The following ZC2HC1B variants were observed in gnomAD, a reference collection of about 807,000 sequenced individuals.
ZC2HC1B encodes the protein zinc finger C2HC-type containing 1B, also known as zinc finger C2HC domain-containing protein 1B.
In ZC2HC1B, 36 loss-of-function variants were observed where a neutral mutation model predicts 31.0. That is an observed-to-expected ratio of 1.16 (90% confidence interval 0.89 to 1.54). The LOEUF (loss-of-function observed/expected upper bound fraction) is 1.54. Among genes scored for constraint, ZC2HC1B ranks in the 40% most tolerant of loss-of-function variants. The probability of loss-of-function intolerance (pLI) is 0.00; values close to 1 mark genes in which losing one functional copy is unlikely to be tolerated. For missense variants in ZC2HC1B, 260 were observed against 268.6 expected (o/e 0.97, Z 0.22); for synonymous variants, 73 against 88.0 (o/e 0.83, Z 0.95).
At chr6:143,916,813 CT>C (rs1777922643) in intron 6 of ZC2HC1B, among the ~76,000 whole-genome samples, 1 of 152,210 alleles carries the variant, frequency 6.6e-6, no homozygotes, top group South Asian at 2.1e-4. Context: ...CCCATTGTAT[CT>C]AGGAAGTAAC....
In ZC2HC1B at chr6:143,886,629, G is replaced by A; in HGVS notation, c.211-54G>A. On this transcript the variant is annotated intron_variant, in intron 3 of 7. Transcript: ENST00000237275. This position sits in a 1 kb window ranked among gnomAD's most constrained non-coding sequence, Gnocchi z 4.2. ...TCAAATTCCAGCTTTAAACAAAATT[G>A]TAATGGAGAGGTATATAGTCTAGGG... The A allele has an allele frequency of 7.2e-7, 1 of 1,388,878 alleles. No homozygotes were observed. The highest frequency in any genetic ancestry group is 3.4e-5 in the Admixed American group (1 of 29,224). 86.0% of individuals were successfully genotyped at this position (1,388,878 alleles called of 1,614,324 possible).
rs1446446599 is a variant in ZC2HC1B, at chr6:143,915,366, T to G, written c.598+12214T>G. Among the ~76,000 whole-genome samples, 1 of 152,236 alleles carries G rather than the reference T, an allele frequency of 6.6e-6. No individual in the cohort carries two copies. Among genetic ancestry groups the G allele is most frequent in the Non-Finnish European group, 1.5e-5 (1 of 68,044 alleles). The stretch of plus-strand genomic sequence containing the variant: ...ACTGTAAGTCCAATAAACTTCTTTC[T>G]TTTGTAAATTGCCCAGCCTTGGGTA... On this transcript the variant is annotated intron_variant, in intron 6 of 7. Transcript: ENST00000237275. The surrounding 1 kb of genome is among the most constrained non-coding windows in gnomAD (Gnocchi z 5.2).
chr6:143,911,527 A>G lies in ZC2HC1B; in HGVS notation c.598+8375A>G, dbSNP rs1777856038. Among the ~76,000 whole-genome samples, 1 of 151,966 alleles carries G rather than the reference A, an allele frequency of 6.6e-6. No homozygotes were observed. Among genetic ancestry groups the G allele is most frequent in the Non-Finnish European group, 1.5e-5 (1 of 67,996 alleles). On this transcript the variant is annotated intron_variant, in intron 6 of 7. Transcript: ENST00000237275. This position sits in a 1 kb window ranked among gnomAD's most constrained non-coding sequence, Gnocchi z 4.5. ...GATGTTGTTTCTCCTTTGCTTATGA[A>G]GCTTAGTTTGACTGGATATGAAATT...
At chr6:143,902,181 C>T (rs1294754006) in intron 5 of ZC2HC1B, among the ~76,000 whole-genome samples, 1 of 152,146 alleles carries the variant, frequency 6.6e-6, no homozygotes, top group Non-Finnish European at 1.5e-5. Context: ...TCCTTTGTGC[C>T]AGCTTCACCA....
At chr6:143,907,695 G>T (rs1444864876) in intron 6 of ZC2HC1B, among the ~76,000 whole-genome samples, 1 of 152,152 alleles carries the variant, frequency 6.6e-6, no homozygotes, top group Non-Finnish European at 1.5e-5. Context: ...CAGATGGATA[G>T]ATTGCAAACA....
chr6:143,867,927 A>G (rs961680538), intron 1 of ZC2HC1B, among the ~76,000 whole-genome samples: 1 of 152,186 alleles, frequency 6.6e-6, no homozygotes, highest in African/African-American at 2.4e-5. Context: ...TCCTCCAGTA[A>G]TTCATGAAAT....
intron 6 of ZC2HC1B, among the ~76,000 whole-genome samples, chr6:143,926,760 T>C (rs533831337): frequency 6.6e-6 from 1 of 151,724 alleles, no homozygotes; most frequent in Non-Finnish European, 1.5e-5. Flanking sequence ...CCTTCAGATC[T>C]AATAATATTT....
At position 143,918,585 on chromosome 6, in the gene ZC2HC1B, T is replaced by G. The variant is rs201972265; in HGVS notation, c.598+15433T>G. 1.5e-4 allele frequency among the ~76,000 whole-genome samples: 23 copies of G among 152,338 alleles called. No individual in the cohort carries two copies. The East Asian group carries it at 4.2e-3, about 28-fold the overall frequency. ...TTTTAGTTTTTGAATGATTCTTAAA[T>G]GTTTATAGTCATGTCTTTTGTTAAA... On this transcript the variant is annotated intron_variant, in intron 6 of 7. Transcript: ENST00000237275. This position sits in a 1 kb window ranked among gnomAD's most constrained non-coding sequence, Gnocchi z 4.1.
At chr6:143,925,610 C>T (rs375791552) in intron 6 of ZC2HC1B, among the ~76,000 whole-genome samples, 4 of 149,176 alleles carry the variant, frequency 2.7e-5, no homozygotes, top group Non-Finnish European at 4.4e-5. Flanking sequence ...GATCTCGTCT[C>T]GCCGCAACCT....
At chr6:143,867,389 C>G (rs368989796) in intron 1 of ZC2HC1B, among the ~76,000 whole-genome samples, 2 of 152,106 alleles carry the variant, frequency 1.3e-5, no homozygotes, top group African/African-American at 4.8e-5. Flanking sequence ...GTGAACAGTC[C>G]CTGGGTCTGA....
rs182175905 is a variant in ZC2HC1B at position 143,872,695 on chromosome 6, G to T, written c.28+8128G>T. On this transcript the variant is annotated intron_variant, in intron 1 of 7. Transcript: ENST00000237275. The surrounding 1 kb of genome is among the most constrained non-coding windows in gnomAD (Gnocchi z 5.5). ...GGCAAAAGGCACTACTTACATGGTG[G>T]CAGCAAGAGAAAATGAGGAAAAAGC... Among the ~76,000 whole-genome samples, 1 of 152,132 alleles carries T rather than the reference G, an allele frequency of 6.6e-6. No homozygotes were observed. The highest frequency in any genetic ancestry group is 1.5e-5 in the Non-Finnish European group (1 of 68,028).
In ZC2HC1B at chr6:143,876,918, T is replaced by G. The variant is rs567256662; in HGVS notation, c.29-7386T>G. Among the ~76,000 whole-genome samples, 14 of 150,476 alleles carry G rather than the reference T, an allele frequency of 9.3e-5. 2 individuals are homozygous for G. The South Asian group carries it at 2.8e-3, about 30-fold the overall frequency. Reference sequence around the variant, plus strand: ...CTGAGATTGAGGGTGGGTCTGCCTTTCCCAGCCCACTGACTCAAGTGTTAA... The same window carrying G: ...CTGAGATTGAGGGTGGGTCTGCCTTGCCCAGCCCACTGACTCAAGTGTTAA... On this transcript the variant is annotated intron_variant, in intron 1 of 7. Coordinates refer to ENST00000237275, the MANE Select transcript of ZC2HC1B (RefSeq NM_001013623.3).
chr6:143,904,222 T>G (rs573117279), intron 6 of ZC2HC1B, among the ~76,000 whole-genome samples: 1 of 152,354 alleles, frequency 6.6e-6, no homozygotes, highest in Admixed American at 6.5e-5. Context: ...ATCACCAGTG[T>G]GATTGGTTGT....
At position 143,921,566 on chromosome 6, in the gene ZC2HC1B, CTTTGT is replaced by C. The variant is rs926490267; in HGVS notation, c.599-16079_599-16075del. Among the ~76,000 whole-genome samples, 7 of 152,168 alleles carry C rather than the reference CTTTGT, an allele frequency of 4.6e-5. No individual in the cohort carries two copies. The highest frequency in any genetic ancestry group is 1.0e-4 in the Non-Finnish European group (7 of 68,022). ...CATGTTAATTAGCTTTAAGAGATAG[CTTTGT>C]TTTATTTCAAGCTCAAGATGCTTTT... On this transcript the variant is annotated intron_variant, in intron 6 of 7. Coordinates refer to ENST00000237275, the MANE Select transcript of ZC2HC1B (RefSeq NM_001013623.3). The surrounding 1 kb of genome is among the most constrained non-coding windows in gnomAD (Gnocchi z 6.1).
rs1299752449 is a variant in ZC2HC1B, at chr6:143,895,787, T to C, written c.350-2765T>C. 6.6e-6 allele frequency among the ~76,000 whole-genome samples: 1 copy of C among 152,204 alleles called. No individual in the cohort carries two copies. Among genetic ancestry groups the C allele is most frequent in the African/African-American group, 2.4e-5 (1 of 41,462 alleles). ...ACAGCACAATATTGGCATTTTAAAA[T>C]AATGCTTGGTTTTCCACTTTTCTCT... On this transcript the variant is annotated intron_variant, in intron 4 of 7. Transcript: ENST00000237275. The surrounding 1 kb of genome is among the most constrained non-coding windows in gnomAD (Gnocchi z 4.8).
Position 143,864,549 on chromosome 6 carries a change from G to A in ZC2HC1B, c.10G>A (p.Ala4Thr). Residue 4 changes from alanine to threonine, a missense_variant, in exon 1 of 8, where the codon GCA becomes ACA. Coordinates refer to ENST00000237275, the MANE Select transcript of ZC2HC1B (RefSeq NM_001013623.3). The stretch of plus-strand genomic sequence containing the variant: ...CTGAGTTAGGAACAGAATGGCTGGG[G>A]CAGAACCATTTTTGGCAGGTGAGCT... MAGAEPFLADGNQE... is the reference protein window; with the variant it reads MAGTEPFLADGNQE... The A allele has an allele frequency of 6.4e-7, 1 of 1,551,614 alleles. No individual in the cohort carries two copies. The highest frequency in any genetic ancestry group is 1.2e-5 in the South Asian group (1 of 84,058).
chr6:143,932,909 T>C (rs1778138761), intron 6 of ZC2HC1B, among the ~76,000 whole-genome samples: 1 of 152,190 alleles, frequency 6.6e-6, no homozygotes, highest in Admixed American at 6.5e-5. Context: ...TGATTGTTCT[T>C]GCTATTCTAG....
At chr6:143,904,558 C>T (rs941252087) in intron 6 of ZC2HC1B, among the ~76,000 whole-genome samples, 7 of 152,140 alleles carry the variant, frequency 4.6e-5, no homozygotes, top group Non-Finnish European at 8.8e-5. Context: ...GATGAGTTCT[C>T]ACTATGCTGA....
intron 6 of ZC2HC1B, among the ~76,000 whole-genome samples, chr6:143,937,339 G>C (rs971703146): frequency 2.6e-5 from 4 of 152,202 alleles, no homozygotes; most frequent in African/African-American, 7.2e-5. Context: ...TGGGGCAATA[G>C]CGGAGGGGAT....
Sources: allele counts gnomAD v4.1 joint callset (sites outside exome capture counted in the v4.1 genomes callset), GRCh38; gene constraint gnomAD v4.1.1; non-coding constraint Gnocchi (gnomAD v3.1); transcripts MANE v1.5; gene names NCBI Gene and HGNC (gene_info 2026-07-23, HGNC 2026-07-21).